The following RBFOX1 variants were observed in gnomAD, a reference collection of about 807,000 sequenced individuals.
The protein encoded by RBFOX1 is RNA binding fox-1 homolog 1.
In RBFOX1, 8 loss-of-function variants were observed where a neutral mutation model predicts 57.7. That is an observed-to-expected ratio of 0.14 (90% confidence interval 0.08 to 0.25). The LOEUF (loss-of-function observed/expected upper bound fraction) is 0.25. RBFOX1 is among the 10% of genes least tolerant of loss of function. The pLI is 1.00. For synonymous variants in RBFOX1, 326 were observed against 222.4 expected, an observed-to-expected ratio of 1.47 and a Z score of -4.15; for missense variants, 611 against 548.5, an observed-to-expected ratio of 1.11 and a Z score of -1.14.
At chr16:6,597,395 C>G (rs1377967899) in intron 2 of RBFOX1, among the ~76,000 whole-genome samples, 4 of 151,986 alleles carry the variant, frequency 2.6e-5, no homozygotes, top group Admixed American at 2.0e-4. Flanking sequence ...GGGACCCAAC[C>G]AGGCGCGGTG....
At chr16:6,773,030 GGGC>G (rs2078636583) in intron 3 of RBFOX1, among the ~76,000 whole-genome samples, 1 of 134,214 alleles carries the variant, frequency 7.5e-6, no homozygotes, top group Non-Finnish European at 1.6e-5. Flanking sequence ...TTGTATTTGT[GGGC>G]ATGGGGTGCA....
At chr16:5,502,356 G>C (rs949973559) in intron 2 of RBFOX1, among the ~76,000 whole-genome samples, 1 of 149,438 alleles carries the variant, frequency 6.7e-6, no homozygotes, top group Non-Finnish European at 1.5e-5. Flanking sequence ...CTGTAAGGGT[G>C]GGATGTGGAC....
At chr16:6,915,075 A>T (rs181179929) in intron 3 of RBFOX1, among the ~76,000 whole-genome samples, 1 of 152,302 alleles carries the variant, frequency 6.6e-6, no homozygotes, top group African/African-American at 2.4e-5. Flanking sequence ...TCAGTTGACT[A>T]ATGTGTGAAC....
Position 5,483,395 on chromosome 16 carries a change from C to T in RBFOX1, c.258+16141C>T, listed in dbSNP as rs577775534. Among the ~76,000 whole-genome samples, 7 of 152,320 alleles carry T rather than the reference C, an allele frequency of 4.6e-5. No individual in the cohort carries two copies. In the East Asian group the frequency reaches 7.7e-4, roughly 17 times the overall value. ...CCCACGCTTGCCCCCAGAGGAAGTA[C>T]TGCTTGACTAATCCCATGAGGCATT... On this transcript the variant is annotated intron_variant, in intron 2 of 2. Coordinates refer to the RBFOX1 transcript ENST00000585867.
intron 1 of RBFOX1, among the ~76,000 whole-genome samples, chr16:5,451,252 A>G (rs1006586395): frequency 1.3e-5 from 2 of 152,202 alleles, no homozygotes; most frequent in Non-Finnish European, 2.9e-5. Flanking sequence ...CACTCTGAAG[A>G]ACAAAGATAT....
chr16:5,863,195 G>C (rs749706906), intron 3 of RBFOX1, among the ~76,000 whole-genome samples: 5 of 152,140 alleles, frequency 3.3e-5, no homozygotes, highest in Non-Finnish European at 7.3e-5. Flanking sequence ...CCTTAATGTC[G>C]GCCTTTGCGA....
intron 1 of RBFOX1, among the ~76,000 whole-genome samples, chr16:6,094,869 G>A (rs531763291): frequency 3.9e-4 from 59 of 152,318 alleles, no homozygotes; most frequent in African/African-American, 1.3e-3. Flanking sequence ...AGACCAGCCT[G>A]GCCAACATGA....
rs117454778 is a variant in RBFOX1, at chr16:6,343,737, C to T, written c.-64+26680C>T. The stretch of plus-strand genomic sequence containing the variant: ...AAACTTCCTATGAGACATTTTAAAG[C>T]AGGACTCGTCTTGAGATTTGAATCA... On this transcript the variant is annotated intron_variant, in intron 2 of 15. Transcript: ENST00000550418. 2.0e-4 allele frequency among the ~76,000 whole-genome samples: 30 copies of T among 152,276 alleles called. No homozygotes were observed. In the East Asian group the frequency reaches 5.0e-3, roughly 25 times the overall value.
chr16:5,823,924 A>G (rs2055945014), intron 3 of RBFOX1, among the ~76,000 whole-genome samples: 1 of 152,208 alleles, frequency 6.6e-6, no homozygotes, highest in Admixed American at 6.5e-5. Context: ...ATTGAATCCC[A>G]CATCTCCCTG....
At chr16:5,834,783 TA>T (rs58801527) in intron 3 of RBFOX1, among the ~76,000 whole-genome samples, 59 of 110,014 alleles carry the variant, frequency 5.4e-4, no homozygotes, top group Non-Finnish European at 7.6e-4. Context: ...AGATGATAGA[TA>T]GATAGATAGA....
In RBFOX1 at chr16:6,864,995, CT is replaced by C. The variant is rs34341448; in HGVS notation, c.-15-187038del. ...AATGTTGGAGTGGGTTTTTCTTTTTCTTTTTTTTTTTTTTTTTTTTTTTTGA... is the reference window on the plus strand; with the variant it reads ...AATGTTGGAGTGGGTTTTTCTTTTTCTTTTTTTTTTTTTTTTTTTTTTTGA... On this transcript the variant is annotated intron_variant, in intron 3 of 15. Transcript: ENST00000550418. Among the ~76,000 whole-genome samples the C allele has an allele frequency of 2.7e-4, 22 of 82,532 alleles. 1 individual carries two copies. Among genetic ancestry groups the C allele is most frequent in the South Asian group, 1.2e-3 (3 of 2,494 alleles). The allele number at this position is 82,532 out of a possible 152,430, so 54.1% of individuals were successfully genotyped here. A position where few individuals can be genotyped will look rare whatever the true frequency, so the allele number is the denominator to read the frequency against.
chr16:7,539,255 A>C (rs1341944636), intron 5 of RBFOX1, among the ~76,000 whole-genome samples: 1 of 152,140 alleles, frequency 6.6e-6, no homozygotes, highest in Non-Finnish European at 1.5e-5. Flanking sequence ...AGATCAGGGA[A>C]GCCTTCTCTG....
chr16:5,447,325 C>A (rs1597101934), intron 1 of RBFOX1, among the ~76,000 whole-genome samples: 1 of 151,912 alleles, frequency 6.6e-6, no homozygotes. Flanking sequence ...CTATTACTTA[C>A]CTTCTCTGAG....
chr16:5,536,270 T>A (rs1168826412), intron 2 of RBFOX1, among the ~76,000 whole-genome samples: 9 of 147,684 alleles, frequency 6.1e-5, no homozygotes, highest in Non-Finnish European at 1.2e-4. Flanking sequence ...GAGTCTTGCT[T>A]GTCGCCTAGG....
intron 3 of RBFOX1, among the ~76,000 whole-genome samples, chr16:5,848,977 CAA>C (rs111633901): frequency 6.7e-6 from 1 of 149,742 alleles, no homozygotes; most frequent in Admixed American, 6.7e-5. Flanking sequence ...AAAACAACAA[CAA>C]AAAAAAACAG....
chr16:5,762,651 C>T (rs1039389644), intron 3 of RBFOX1, among the ~76,000 whole-genome samples: 1 of 152,126 alleles, frequency 6.6e-6, no homozygotes, highest in Non-Finnish European at 1.5e-5. Context: ...AAGTGGTACT[C>T]ATTGCTGCAT....
intron 1 of RBFOX1, among the ~76,000 whole-genome samples, chr16:6,230,086 A>C (rs2097447299): frequency 6.6e-6 from 1 of 152,182 alleles, no homozygotes; most frequent in Non-Finnish European, 1.5e-5. Context: ...TGTAGATAAT[A>C]ATAAATATAT....
chr16:5,854,465 G>C (rs1366347209), intron 3 of RBFOX1, among the ~76,000 whole-genome samples: 1 of 152,090 alleles, frequency 6.6e-6, no homozygotes, highest in Non-Finnish European at 1.5e-5. Flanking sequence ...ATTTCACTTA[G>C]CATAATGTCC....
chr16:6,239,324 G>A (rs554123419), intron 1 of RBFOX1, among the ~76,000 whole-genome samples: 8 of 151,818 alleles, frequency 5.3e-5, no homozygotes, highest in Non-Finnish European at 1.2e-4. Context: ...GGGCCCCACC[G>A]TGTCCGAAGG....
Sources: allele counts gnomAD v4.1 joint callset (sites outside exome capture counted in the v4.1 genomes callset), GRCh38; gene constraint gnomAD v4.1.1; transcripts MANE v1.5; gene names NCBI Gene and HGNC (gene_info 2026-07-23, HGNC 2026-07-21).